The following GRIN2A variants were observed in gnomAD, a reference collection of about 807,000 sequenced individuals.
The protein encoded by GRIN2A is glutamate receptor ionotropic, NMDA 2A.
In GRIN2A, 22 loss-of-function variants were observed where a neutral mutation model predicts 113.4. The observed-to-expected ratio is 0.19, with a 90% CI of 0.14 to 0.28. The LOEUF is 0.28. Ranked by LOEUF, GRIN2A falls within the 10% of genes least tolerant of loss-of-function variation. The pLI, the probability that GRIN2A is intolerant of heterozygous loss-of-function variation, is 1.00. For missense variants in GRIN2A, 1,502 were observed against 1,887.0 expected, an observed-to-expected ratio of 0.80 and a Z score of 3.78; for synonymous variants, 827 against 738.4, an observed-to-expected ratio of 1.12 and a Z score of -1.94.
chr16:9,809,960 C>G (rs533681822), intron 10 of GRIN2A, among the ~76,000 whole-genome samples: 10 of 152,116 alleles, frequency 6.6e-5, no homozygotes, highest in Non-Finnish European at 1.5e-4. Context: ...CCCAGCTACT[C>G]TGGAGGCTGA....
intron 2 of GRIN2A, among the ~76,000 whole-genome samples, chr16:10,113,311 A>T (rs1440718174): frequency 6.6e-6 from 1 of 151,842 alleles, no homozygotes; most frequent in Non-Finnish European, 1.5e-5. Flanking sequence ...CCCCTCAGCC[A>T]TGTGGCACTT....
In GRIN2A at chr16:9,768,920, G is replaced by A. The variant is rs1567282497; in HGVS notation, c.2526C>T (p.Tyr842=). The A allele has an allele frequency of 6.2e-7, 1 of 1,614,214 alleles. No individual in the cohort carries two copies. The highest frequency in any genetic ancestry group is 2.2e-5 in the East Asian group (1 of 44,880). Reference sequence around the variant, plus strand: ...CCGTGAAACAGAAGCGCAGCTTCCAGTAGAAGAGGTGCTCCCAGATGAAGG... The same window carrying A: ...CCGTGAAACAGAAGCGCAGCTTCCAATAGAAGAGGTGCTCCCAGATGAAGG... ...LITFIWEHLF[Y]WKLRFCFTGV... Residue 842 remains tyrosine (Y), a synonymous_variant, in exon 12 of 13, where the codon TAC becomes TAT. Transcript: ENST00000330684.
At chr16:10,057,434 G>T (rs1302642738) in intron 2 of GRIN2A, among the ~76,000 whole-genome samples, 1 of 151,950 alleles carries the variant, frequency 6.6e-6, no homozygotes, top group Admixed American at 6.6e-5. Flanking sequence ...AATATCCAAG[G>T]CCTCTTCCCA....
chr16:9,803,885 A>C (rs943053609), intron 10 of GRIN2A, among the ~76,000 whole-genome samples: 2 of 152,222 alleles, frequency 1.3e-5, no homozygotes, highest in Admixed American at 1.3e-4. Flanking sequence ...TCTATTACTT[A>C]GAAAATTCAG....
At chr16:9,936,232 T>C (rs774159036) in intron 3 of GRIN2A, among the ~76,000 whole-genome samples, 16 of 152,210 alleles carry the variant, frequency 1.1e-4, no homozygotes, top group Non-Finnish European at 2.4e-4. Flanking sequence ...CCATATTTTC[T>C]ATTACATTAG....
chr16:9,854,697 A>G (rs2042938927), intron 4 of GRIN2A, among the ~76,000 whole-genome samples: 1 of 152,166 alleles, frequency 6.6e-6, no homozygotes, highest in Non-Finnish European at 1.5e-5. Flanking sequence ...CACCACACTC[A>G]GCTGAGTCTG....
At chr16:9,846,080 C>T (rs890303741) in intron 5 of GRIN2A, among the ~76,000 whole-genome samples, 1 of 152,158 alleles carries the variant, frequency 6.6e-6, no homozygotes, top group Non-Finnish European at 1.5e-5. Flanking sequence ...TAAAGGAATT[C>T]AGCAAAAATC....
At chr16:9,974,653 G>C (rs926751822) in intron 2 of GRIN2A, among the ~76,000 whole-genome samples, 3 of 152,160 alleles carry the variant, frequency 2.0e-5, no homozygotes, top group Non-Finnish European at 1.5e-5. Flanking sequence ...CCTGCTACAA[G>C]GGGAATGAGT....
At chr16:9,796,939 A>C (rs1251569419) in intron 11 of GRIN2A, among the ~76,000 whole-genome samples, 1 of 152,264 alleles carries the variant, frequency 6.6e-6, no homozygotes, top group Non-Finnish European at 1.5e-5. Flanking sequence ...TGCCCTATGG[A>C]GAATTCAAAG....
chr16:10,006,049 C>CT (rs2046399593), intron 2 of GRIN2A, among the ~76,000 whole-genome samples: 1 of 152,196 alleles, frequency 6.6e-6, no homozygotes, highest in Non-Finnish European at 1.5e-5. Flanking sequence ...AGGATGTAGG[C>CT]TGTTGTAATA....
At chr16:9,992,857 T>G (rs926459021) in intron 2 of GRIN2A, among the ~76,000 whole-genome samples, 4 of 152,150 alleles carry the variant, frequency 2.6e-5, no homozygotes, top group Non-Finnish European at 4.4e-5. Context: ...TATCTCCTTC[T>G]CAGTCTTGCT....
chr16:10,019,760 A>G (rs898839579), intron 2 of GRIN2A, among the ~76,000 whole-genome samples: 2 of 152,190 alleles, frequency 1.3e-5, no homozygotes, highest in African/African-American at 4.8e-5. Context: ...TTCATCTTAC[A>G]CTGACTTCCT....
intron 2 of GRIN2A, among the ~76,000 whole-genome samples, chr16:10,011,679 ATTATTTT>A (rs1567233215): frequency 6.6e-6 from 1 of 152,038 alleles, no homozygotes; most frequent in Non-Finnish European, 1.5e-5. Context: ...ATGCTAATTA[ATTATTTT>A]TTTTTAATCT....
chr16:10,013,094 C>T (rs989838820), intron 2 of GRIN2A, among the ~76,000 whole-genome samples: 2 of 152,112 alleles, frequency 1.3e-5, no homozygotes, highest in Admixed American at 6.6e-5. Flanking sequence ...ACAACAAACC[C>T]CAGTGACACG....
intron 2 of GRIN2A, among the ~76,000 whole-genome samples, chr16:10,021,171 G>A (rs2046713634): frequency 6.6e-6 from 1 of 152,164 alleles, no homozygotes; most frequent in Admixed American, 6.5e-5. Flanking sequence ...GACCACAGCT[G>A]GGTCCCCTAA....
At chr16:9,999,522 C>T (rs1002920313) in intron 2 of GRIN2A, among the ~76,000 whole-genome samples, 12 of 152,046 alleles carry the variant, frequency 7.9e-5, no homozygotes, top group East Asian at 1.9e-4. Context: ...TGTTCTCACT[C>T]ATAAGTGGGA....
chr16:9,996,327 C>T (rs1452950963), intron 2 of GRIN2A, among the ~76,000 whole-genome samples: 2 of 152,126 alleles, frequency 1.3e-5, no homozygotes, highest in African/African-American at 2.4e-5. Context: ...CATTGCATTG[C>T]GTGAAACCAC....
intron 11 of GRIN2A, among the ~76,000 whole-genome samples, chr16:9,772,922 C>CAAAAAAAAAAAAAAA (rs71400490): frequency 9.5e-6 from 1 of 105,014 alleles, no homozygotes. Flanking sequence ...ACTTCAATTT[C>CAAAAAAAAAAAAAAA]AAAAAAAAAA....
chr16:10,050,012 A>G (rs1474350183), intron 2 of GRIN2A, among the ~76,000 whole-genome samples: 1 of 152,206 alleles, frequency 6.6e-6, no homozygotes, highest in East Asian at 1.9e-4. Flanking sequence ...AGGTCTCCCA[A>G]TAGATGTCTA....
Sources: gnomAD v4.1 joint callset for allele counts (sites outside exome capture counted in the v4.1 genomes callset) on GRCh38, gnomAD v4.1.1 for gene constraint, MANE v1.5 for transcripts, NCBI Gene and HGNC (gene_info 2026-07-23, HGNC 2026-07-21) for gene names.